NRG2: variants seen among roughly 807,000 people sequenced by gnomAD.
NRG2 encodes the protein pro-neuregulin-2, membrane-bound isoform.
A neutral mutation model predicts 73.9 loss-of-function variants in NRG2; 27 were observed. That is an observed-to-expected ratio of 0.37 (90% CI 0.27 to 0.50). NRG2 has a LOEUF of 0.50. Ranked by LOEUF, NRG2 falls within the 20% of genes least tolerant of loss-of-function variation. The pLI is 0.96. For missense variants in NRG2, 1,126 were observed against 1,210.1 expected (o/e 0.93, Z 1.03); for synonymous variants, 532 against 541.0 (o/e 0.98, Z 0.23).
At position 139,874,444 on chromosome 5, in the gene NRG2, T is replaced by C. The variant is rs143727699; in HGVS notation, c.992-2603A>G. On this transcript the variant is annotated intron_variant, in intron 3 of 9. Transcript: ENST00000361474. ...CCAAAGTCCTAGAGGGCATCTTTGA[T>C]TTCATCCTCCTTTATTCCCCTATAG... Among the ~76,000 whole-genome samples the C allele has an allele frequency of 4.6e-4, 70 of 152,294 alleles. 1 individual carries two copies. The highest frequency in any genetic ancestry group is 1.5e-3 in the African/African-American group (64 of 41,562).
At chr5:139,942,898 T>C (rs1227275387) in intron 1 of NRG2, among the ~76,000 whole-genome samples, 1 of 152,236 alleles carries the variant, frequency 6.6e-6, no homozygotes, top group Non-Finnish European at 1.5e-5. Context: ...TAGAGTGCAG[T>C]GGTGGCATCT....
intron 1 of NRG2, among the ~76,000 whole-genome samples, chr5:139,947,141 T>C (rs1170956980): frequency 6.6e-6 from 1 of 152,170 alleles, no homozygotes; most frequent in African/African-American, 2.4e-5. Flanking sequence ...TGCAATTCAA[T>C]GATTTTTAAA....
At position 139,905,691 on chromosome 5, in the gene NRG2, G is replaced by T. The variant is rs1765182944; in HGVS notation, c.701-18180C>A. ...TCAGGGGCCAGCTCTGGTGGGGGGG[G>T]GGCAGGTGTAAGAGACAACCCTTGT... On this transcript the variant is annotated intron_variant, in intron 1 of 9. Coordinates refer to ENST00000361474, the MANE Select transcript of NRG2 (RefSeq NM_004883.3). Among the ~76,000 whole-genome samples the T allele has an allele frequency of 2.0e-5, 3 of 152,138 alleles. No homozygotes were observed. In the South Asian group the frequency reaches 6.2e-4, roughly 32 times the overall value.
chr5:139,928,275 T>C (rs1303024115), intron 1 of NRG2, among the ~76,000 whole-genome samples: 3 of 152,202 alleles, frequency 2.0e-5, no homozygotes, highest in African/African-American at 7.2e-5. Context: ...GGCATCCTGA[T>C]AGCCTTCTCA....
chr5:139,890,844 T>A (rs1764170706), intron 1 of NRG2, among the ~76,000 whole-genome samples: 1 of 152,182 alleles, frequency 6.6e-6, no homozygotes, highest in Non-Finnish European at 1.5e-5. Flanking sequence ...ATTATAAGTG[T>A]ATATAGCTCA....
intron 1 of NRG2, among the ~76,000 whole-genome samples, chr5:139,998,679 C>T (rs1043903873): frequency 5.3e-5 from 8 of 152,072 alleles, no homozygotes; most frequent in Non-Finnish European, 1.0e-4. Flanking sequence ...TTGCTCCTGA[C>T]GAGTCTGAAA....
chr5:139,981,479 G>A (rs1756797630), intron 1 of NRG2, among the ~76,000 whole-genome samples: 1 of 152,208 alleles, frequency 6.6e-6, no homozygotes, highest in Non-Finnish European at 1.5e-5. Flanking sequence ...CCTGCCTCTG[G>A]AAGGCATTCC....
Position 139,847,626 on chromosome 5 carries a change from CA to C in NRG2, c.*290del. On this transcript the variant is annotated 3_prime_UTR_variant, in exon 10 of 10. Transcript: ENST00000361474. ...ACAAAATAGGTTTCTATTAAAGAGT[CA>C]AAAAATTGGCCCATCTCTCTTTTTT... The C allele has an allele frequency of 3.7e-6, 1 of 269,426 alleles. No individual in the cohort carries two copies. The highest frequency in any genetic ancestry group is 5.4e-5 in the Admixed American group (1 of 18,674). The allele number at this position is 269,426 out of a possible 1,614,324, so 16.7% of individuals were successfully genotyped here.
At chr5:139,850,561 G>C (rs1182735219) in intron 9 of NRG2, among the ~76,000 whole-genome samples, 1 of 152,208 alleles carries the variant, frequency 6.6e-6, no homozygotes, top group Admixed American at 6.5e-5. Flanking sequence ...GCTGAGTTGA[G>C]AGCAAGGGAA....
At chr5:139,999,835 G>A (rs902548806) in intron 1 of NRG2, among the ~76,000 whole-genome samples, 1 of 152,182 alleles carries the variant, frequency 6.6e-6, no homozygotes, top group Non-Finnish European at 1.5e-5. Flanking sequence ...GAGGGTGGGT[G>A]CCCCAATCTA....
chr5:139,968,558 C>G (rs941246274), intron 1 of NRG2, among the ~76,000 whole-genome samples: 1 of 152,174 alleles, frequency 6.6e-6, no homozygotes, highest in African/African-American at 2.4e-5. Flanking sequence ...TTCCTCCACG[C>G]CTGCAGGGGA....
chr5:139,863,160 C>T (rs543402290), intron 5 of NRG2, among the ~76,000 whole-genome samples: 1 of 152,310 alleles, frequency 6.6e-6, no homozygotes, highest in African/African-American at 2.4e-5. Flanking sequence ...ATGTCATCAT[C>T]CCCATTTTAC....
intron 9 of NRG2, among the ~76,000 whole-genome samples, chr5:139,849,404 A>C (rs1761257913): frequency 6.6e-6 from 1 of 152,170 alleles, no homozygotes; most frequent in Non-Finnish European, 1.5e-5. Context: ...AGTGAAGTCA[A>C]AACCTGCTTC....
chr5:139,850,330 G>A (rs991096085), intron 9 of NRG2, among the ~76,000 whole-genome samples: 4 of 152,246 alleles, frequency 2.6e-5, no homozygotes, highest in Non-Finnish European at 5.9e-5. Context: ...AATCACACAG[G>A]TGGTGGAGCT....
In NRG2 at chr5:140,042,814, G is replaced by T. The variant is rs934672376; in HGVS notation, c.256C>A (p.Arg86=). 2 of 1,491,372 alleles carry T rather than the reference G, an allele frequency of 1.3e-6. No individual in the cohort carries two copies. Among genetic ancestry groups the T allele is most frequent in the Admixed American group, 4.4e-5 (2 of 45,696 alleles). The allele number at this position is 1,491,372 out of a possible 1,614,324, so 92.4% of individuals were successfully genotyped here. ...PAARRAAARS[R]AAAAGGMRRD... ...CTCATGCCGCCGGCGGCTGCGGCTC[G>T]CGAACGGGCGGCGGCTCTCCGGGCT... The change falls in exon 1 of 10, where the codon CGA becomes AGA. Residue 86 remains arginine (R), a synonymous_variant. Coordinates refer to ENST00000361474, the MANE Select transcript of NRG2 (RefSeq NM_004883.3).
At position 139,851,821 on chromosome 5, in the gene NRG2, G is replaced by A. The variant is rs1008864690; in HGVS notation, c.1555C>T (p.His519Tyr). 1 of 1,614,122 alleles carries A rather than the reference G, an allele frequency of 6.2e-7. No homozygotes were observed. Among genetic ancestry groups the A allele is most frequent in the Non-Finnish European group, 8.5e-7 (1 of 1,179,988 alleles). The change falls in exon 9 of 10, where the codon CAC (histidine) becomes TAC (tyrosine). Residue 519 changes from histidine to tyrosine, a missense_variant. His to Tyr is a moderately conservative substitution (Grantham distance 83). Coordinates refer to ENST00000361474, the MANE Select transcript of NRG2 (RefSeq NM_004883.3). This position sits in a 1 kb window ranked among gnomAD's most constrained non-coding sequence, Gnocchi z 4.2. ...TCAGAACGTTCCAGGCTCCACGTGT[G>A]GCTCTCGTGTCTGGGAAGGCCAGAT... ...TPTSSHRHES[H>Y]TWSLERSESL...
intron 1 of NRG2, among the ~76,000 whole-genome samples, chr5:139,909,521 C>A (rs1232878892): frequency 6.6e-6 from 1 of 152,182 alleles, no homozygotes; most frequent in Non-Finnish European, 1.5e-5. Flanking sequence ...TCTCTCCATC[C>A]CAGTTGAAGA....
At chr5:140,039,901 ACCCTGTGG>A (rs1018305173) in intron 1 of NRG2, among the ~76,000 whole-genome samples, 1 of 152,304 alleles carries the variant, frequency 6.6e-6, no homozygotes, top group Admixed American at 6.5e-5. Context: ...GTTCCCAATG[ACCCTGTGG>A]CCCAGAGGGC....
chr5:139,850,277 T>C (rs1268081214), intron 9 of NRG2, among the ~76,000 whole-genome samples: 1 of 152,242 alleles, frequency 6.6e-6, no homozygotes, highest in African/African-American at 2.4e-5. Flanking sequence ...CTCCCTGTTC[T>C]ACAGCTGAGG....
Sources: gnomAD v4.1 joint callset for allele counts (sites outside exome capture counted in the v4.1 genomes callset) on GRCh38, gnomAD v4.1.1 for gene constraint, Gnocchi (gnomAD v3.1) non-coding constraint, MANE v1.5 for transcripts, NCBI Gene and HGNC (gene_info 2026-07-23, HGNC 2026-07-21) for gene names.